Variants in PRKG1 observed in about 807,000 individuals in gnomAD.
The protein encoded by PRKG1 is cGMP-dependent protein kinase 1.
PRKG1 carries 35 observed loss-of-function variants against 88.1 expected under a neutral mutation model. The ratio of observed to expected loss-of-function variants is 0.40; its 90% CI spans 0.30 to 0.53. The LOEUF (loss-of-function observed/expected upper bound fraction) is 0.53, where lower values mean the gene tolerates loss of function less well. PRKG1 is among the 20% of genes least tolerant of loss of function. PRKG1 has a pLI of 0.59. For missense variants in PRKG1, 540 were observed against 839.8 expected (o/e 0.64, Z 4.41); for synonymous variants, 303 against 292.5 (o/e 1.04, Z -0.37).
chr10:52,019,465 G>T lies in PRKG1; in HGVS notation c.763-35019G>T, dbSNP rs116347566. Among the ~76,000 whole-genome samples the T allele has an allele frequency of 4.1e-3, 621 of 152,292 alleles. 3 individuals carry two copies. The highest frequency in any genetic ancestry group is 0.014 in the African/African-American group (567 of 41,574). On this transcript the variant is annotated intron_variant, in intron 5 of 17. Coordinates refer to ENST00000373980, the MANE Select transcript of PRKG1 (RefSeq NM_006258.4). ...AAGATTTACATCTCAAAGGGGTAGA[G>T]AAAGATTTATAGTTCCAAGTTTTTG...
At chr10:51,864,196 T>C (rs1840958887) in intron 4 of PRKG1, among the ~76,000 whole-genome samples, 1 of 152,198 alleles carries the variant, frequency 6.6e-6, no homozygotes, top group South Asian at 2.1e-4. Flanking sequence ...TGAGTTGGCA[T>C]GAGGCATGAA....
At chr10:51,441,785 C>T (rs1839114336) in intron 2 of PRKG1, among the ~76,000 whole-genome samples, 1 of 151,960 alleles carries the variant, frequency 6.6e-6, no homozygotes, top group Admixed American at 6.6e-5. Flanking sequence ...TTTGATGACT[C>T]TAAAGGAATT....
At chr10:51,672,675 T>A (rs1840613418) in intron 3 of PRKG1, among the ~76,000 whole-genome samples, 2 of 152,224 alleles carry the variant, frequency 1.3e-5, no homozygotes, top group African/African-American at 4.8e-5. Flanking sequence ...GGATGTTACA[T>A]GTCTTCCTAA....
intron 2 of PRKG1, among the ~76,000 whole-genome samples, chr10:51,466,778 G>C (rs941330359): frequency 3.9e-5 from 6 of 151,938 alleles, no homozygotes; most frequent in Admixed American, 1.3e-4. Flanking sequence ...AAAGTATAAA[G>C]GCCTGAAGTT....
intron 2 of PRKG1, among the ~76,000 whole-genome samples, chr10:51,346,410 G>C (rs1338415095): frequency 1.3e-5 from 2 of 152,146 alleles, no homozygotes; most frequent in Admixed American, 6.6e-5. Flanking sequence ...CAACATTCTA[G>C]TGAGAGTTAT....
intron 5 of PRKG1, among the ~76,000 whole-genome samples, chr10:51,989,252 T>C (rs566224792): frequency 1.6e-4 from 25 of 152,132 alleles, no homozygotes; most frequent in African/African-American, 6.0e-4. Context: ...ATGGGTCTTA[T>C]TATATGAGGT....
intron 1 of PRKG1, among the ~76,000 whole-genome samples, chr10:51,038,547 A>G (rs1206372879): frequency 6.6e-6 from 1 of 152,098 alleles, no homozygotes; most frequent in Admixed American, 6.6e-5. Context: ...ATTCTTTTGA[A>G]TTTTATCTCC....
intron 2 of PRKG1, among the ~76,000 whole-genome samples, chr10:51,416,474 G>A (rs899255793): frequency 1.3e-5 from 2 of 152,122 alleles, no homozygotes; most frequent in African/African-American, 4.8e-5. Context: ...CCGAAATAGT[G>A]TCATGGTTTG....
chr10:51,422,889 G>C (rs943528762), intron 2 of PRKG1, among the ~76,000 whole-genome samples: 1 of 151,462 alleles, frequency 6.6e-6, no homozygotes, highest in Non-Finnish European at 1.5e-5. Context: ...ACTGCTTCTG[G>C]TTTGAGGGAG....
intron 5 of PRKG1, among the ~76,000 whole-genome samples, chr10:52,013,982 G>A (rs1225137724): frequency 6.6e-6 from 1 of 151,958 alleles, no homozygotes; most frequent in African/African-American, 2.4e-5. Context: ...CACATTTCCT[G>A]CTTTTTCCTT....
intron 3 of PRKG1, among the ~76,000 whole-genome samples, chr10:51,478,128 G>C (rs1343080191): frequency 6.6e-6 from 1 of 152,070 alleles, no homozygotes; most frequent in Admixed American, 6.6e-5. Flanking sequence ...ACAAGTGTTT[G>C]TGTATTTTGA....
intron 1 of PRKG1, among the ~76,000 whole-genome samples, chr10:51,082,403 C>T (rs1317256346): frequency 6.6e-6 from 1 of 152,172 alleles, no homozygotes; most frequent in Non-Finnish European, 1.5e-5. Flanking sequence ...CCCAAACTTT[C>T]CTGCGCATTA....
chr10:51,848,706 G>T (rs986993512), intron 4 of PRKG1, among the ~76,000 whole-genome samples: 1 of 150,706 alleles, frequency 6.6e-6, no homozygotes, highest in African/African-American at 2.4e-5. Flanking sequence ...AAGATCTCAC[G>T]ATATTGCCCA....
At chr10:51,516,111 G>A (rs780001923) in intron 3 of PRKG1, among the ~76,000 whole-genome samples, 12 of 152,296 alleles carry the variant, frequency 7.9e-5, no homozygotes, top group East Asian at 3.9e-4. Context: ...ATGGGGTCAC[G>A]TGGATGAATT....
intron 9 of PRKG1, chr10:52,230,684 TA>T (rs1840499804): frequency 1.3e-5 from 2 of 152,200 alleles, no homozygotes; most frequent in Admixed American, 6.5e-5. Context: ...ACAATTCTCA[TA>T]AAATTGGCTA....
chr10:51,547,829 T>C (rs1184607066), intron 3 of PRKG1, among the ~76,000 whole-genome samples: 2 of 152,126 alleles, frequency 1.3e-5, no homozygotes, highest in Non-Finnish European at 2.9e-5. Context: ...CTACGTGCAA[T>C]TAATGTTACC....
chr10:51,107,743 G>GA (rs1452126210), intron 1 of PRKG1, among the ~76,000 whole-genome samples: 1 of 140,728 alleles, frequency 7.1e-6, no homozygotes, highest in Non-Finnish European at 1.5e-5. Flanking sequence ...AGGGTATTTT[G>GA]AGCCTGGGAA....
At chr10:51,802,887 T>A (rs1372300233) in intron 3 of PRKG1, among the ~76,000 whole-genome samples, 1 of 152,126 alleles carries the variant, frequency 6.6e-6, no homozygotes, top group Non-Finnish European at 1.5e-5. Context: ...GTGCATGCAC[T>A]ACCCCCAAAC....
chr10:51,418,757 T>C (rs754272426), intron 2 of PRKG1, among the ~76,000 whole-genome samples: 8 of 152,296 alleles, frequency 5.3e-5, no homozygotes, highest in African/African-American at 1.2e-4. Flanking sequence ...TGGAGGGCTA[T>C]TGAATGTGGC....
Sources: gnomAD v4.1 joint callset for allele counts (sites outside exome capture counted in the v4.1 genomes callset) on GRCh38, gnomAD v4.1.1 for gene constraint, MANE v1.5 for transcripts, NCBI Gene and HGNC (gene_info 2026-07-23, HGNC 2026-07-21) for gene names.